FTO: variants seen among roughly 807,000 people sequenced by gnomAD.
FTO encodes the protein FTO alpha-ketoglutarate dependent dioxygenase, also known as alpha-ketoglutarate-dependent dioxygenase FTO.
A neutral mutation model predicts 63.9 loss-of-function variants in FTO; 47 were observed. The ratio of observed to expected loss-of-function variants is 0.74; its 90% CI spans 0.58 to 0.94. FTO has a LOEUF of 0.94. FTO is among the 40% of genes least tolerant of loss of function. The pLI is 0.00. For synonymous variants in FTO, 207 were observed against 224.4 expected (o/e 0.92, Z 0.69); for missense variants, 562 against 618.1 (o/e 0.91, Z 0.96).
At chr16:53,920,308 G>C (rs2081978616) in intron 7 of FTO, among the ~76,000 whole-genome samples, 1 of 137,354 alleles carries the variant, frequency 7.3e-6, no homozygotes, top group Admixed American at 6.9e-5. Flanking sequence ...TGGCCAGCTT[G>C]GTCGCTAAGT....
chr16:54,111,873 C>T lies in FTO; in HGVS notation c.1476C>T (p.Ile492=), dbSNP rs376687583. 39 of 1,614,094 alleles carry T rather than the reference C, an allele frequency of 2.4e-5. 1 individual carries two copies. The highest frequency in any genetic ancestry group is 2.4e-4 in the South Asian group (22 of 91,066). Reference sequence around the variant, plus strand: ...CTCTGCCGTTTGACCTCACAGACATCGTTTCAGAACTCAGAGGTCAGCTTC... The same window carrying T: ...CTCTGCCGTTTGACCTCACAGACATTGTTTCAGAACTCAGAGGTCAGCTTC... ...SMPLPFDLTD[I]VSELRGQLLE... The change falls in exon 9 of 9, where the codon ATC becomes ATT. Residue 492 remains isoleucine, a synonymous_variant. Transcript: ENST00000471389.
chr16:53,832,239 GC>G (rs1461309481), intron 3 of FTO, among the ~76,000 whole-genome samples: 1 of 152,048 alleles, frequency 6.6e-6, no homozygotes, highest in Non-Finnish European at 1.5e-5. Context: ...TCTGTGAATG[GC>G]TTTATTCGGG....
At position 54,024,390 on chromosome 16, in the gene FTO, A is replaced by AT. The variant is rs777282743; in HGVS notation, c.1365-87361dup. Among the ~76,000 whole-genome samples, 290 of 147,216 alleles carry AT rather than the reference A, an allele frequency of 2.0e-3. 1 individual carries two copies. The highest frequency in any genetic ancestry group is 5.6e-3 in the African/African-American group (224 of 40,258). Reference sequence around the variant, plus strand: ...AGGTGCACACCACCACGCCCAGCTAATTTTTTTTTTTGTATTTTTAGTAGA... The same window carrying AT: ...AGGTGCACACCACCACGCCCAGCTAATTTTTTTTTTTTGTATTTTTAGTAGA... On this transcript the variant is annotated intron_variant, in intron 8 of 8. Transcript: ENST00000471389.
intron 1 of FTO, among the ~76,000 whole-genome samples, chr16:53,760,975 ATTG>A (rs1273166077): frequency 6.7e-6 from 1 of 150,110 alleles, no homozygotes; most frequent in East Asian, 2.0e-4. Context: ...TATTGTTGTT[ATTG>A]TTGTCTCCTT....
chr16:53,860,706 T>TTC (rs2080148450), intron 4 of FTO, among the ~76,000 whole-genome samples: 1 of 152,156 alleles, frequency 6.6e-6, no homozygotes, highest in South Asian at 2.1e-4. Context: ...AAACCATTCA[T>TTC]GAGAAACCGC....
At chr16:53,942,991 G>A (rs1163801315) in intron 8 of FTO, among the ~76,000 whole-genome samples, 1 of 152,194 alleles carries the variant, frequency 6.6e-6, no homozygotes, top group Non-Finnish European at 1.5e-5. Flanking sequence ...GGGAGAAGCA[G>A]GGAGGCACTG....
chr16:54,054,320 C>T (rs1360415690), intron 8 of FTO, among the ~76,000 whole-genome samples: 1 of 152,122 alleles, frequency 6.6e-6, no homozygotes, highest in African/African-American at 2.4e-5. Context: ...CAACTAGAAA[C>T]TGTAGAAACG....
intron 8 of FTO, chr16:53,999,670 A>G (rs1230260361): frequency 2.0e-5 from 3 of 152,202 alleles, no homozygotes; most frequent in Admixed American, 6.5e-5. Context: ...CCCCTTTTAT[A>G]TTTATAACTT....
At chr16:53,783,884 T>C (rs2077660663) in intron 1 of FTO, among the ~76,000 whole-genome samples, 1 of 152,202 alleles carries the variant, frequency 6.6e-6, no homozygotes, top group Non-Finnish European at 1.5e-5. Flanking sequence ...TCTGATGACA[T>C]TTAAGTTCAG....
chr16:53,844,030 G>A, intron 3 of FTO, 125 bp from the exon 4 acceptor site: 1 of 741,614 alleles, frequency 1.3e-6, no homozygotes, highest in Non-Finnish European at 2.2e-6. Context: ...GACATAAAGG[G>A]AAGATATATT....
At chr16:53,742,637 A>G (rs2151544494) in intron 1 of FTO, among the ~76,000 whole-genome samples, 1 of 152,314 alleles carries the variant, frequency 6.6e-6, no homozygotes, top group South Asian at 2.1e-4. Context: ...CTATGTGTTG[A>G]TACTAAAAGA....
chr16:53,907,956 A>G (rs11076010), intron 7 of FTO, among the ~76,000 whole-genome samples: 135,732 of 152,214 alleles, frequency 0.89, 60,689 homozygotes, highest in East Asian at 1. Flanking sequence ...AGGCACTGAG[A>G]TTCTATGGCA....
At chr16:54,032,833 G>C (rs905794268) in intron 8 of FTO, among the ~76,000 whole-genome samples, 5 of 152,112 alleles carry the variant, frequency 3.3e-5, no homozygotes, top group Non-Finnish European at 7.4e-5. Flanking sequence ...GCTTGGTGCT[G>C]TCCATGATCT....
At chr16:53,839,766 T>C (rs1278167792) in intron 3 of FTO, among the ~76,000 whole-genome samples, 3 of 51,976 alleles carry the variant, frequency 5.8e-5, no homozygotes, top group African/African-American at 2.1e-4. Flanking sequence ...TATAATTGGT[T>C]TTCTTTTTTT....
chr16:54,024,827 T>C (rs1427135613), intron 8 of FTO, among the ~76,000 whole-genome samples: 1 of 152,234 alleles, frequency 6.6e-6, no homozygotes, highest in Non-Finnish European at 1.5e-5. Context: ...ATTTAATTTT[T>C]CACCCAGTTT....
At chr16:54,094,670 G>A (rs1297296814) in intron 8 of FTO, among the ~76,000 whole-genome samples, 1 of 152,204 alleles carries the variant, frequency 6.6e-6, no homozygotes, top group Non-Finnish European at 1.5e-5. Context: ...GCGCAAAGGC[G>A]AACAATACAT....
intron 1 of FTO, 23 bp from the exon 2 acceptor site, chr16:53,810,117 A>G: frequency 1.3e-6 from 2 of 1,534,896 alleles, no homozygotes; most frequent in Non-Finnish European, 1.8e-6. Flanking sequence ...ATTCACTTAT[A>G]TGTAATTATT....
At chr16:53,833,031 G>C (rs770726574) in intron 3 of FTO, among the ~76,000 whole-genome samples, 21 of 152,214 alleles carry the variant, frequency 1.4e-4, no homozygotes, top group Admixed American at 3.9e-4. Flanking sequence ...ATTCGCACAT[G>C]TTGTGGGAGG....
intron 7 of FTO, among the ~76,000 whole-genome samples, chr16:53,902,739 G>C (rs2151928595): frequency 6.6e-6 from 1 of 152,284 alleles, no homozygotes; most frequent in South Asian, 2.1e-4. Context: ...ACCTGAGCCA[G>C]ATCTTTCACA....
Sources: gnomAD v4.1 joint callset for allele counts (sites outside exome capture counted in the v4.1 genomes callset) on GRCh38, gnomAD v4.1.1 for gene constraint, MANE v1.5 for transcripts, NCBI Gene and HGNC (gene_info 2026-07-23, HGNC 2026-07-21) for gene names.